The following GABBR2 variants were observed in gnomAD, a reference collection of about 807,000 sequenced individuals.
GABBR2 encodes the protein gamma-aminobutyric acid type B receptor subunit 2, also known as G-protein coupled receptor 51.
In GABBR2, 23 loss-of-function variants were observed where a neutral mutation model predicts 105.6. The ratio of observed to expected loss-of-function variants is 0.22; its 90% CI spans 0.16 to 0.31. The LOEUF (loss-of-function observed/expected upper bound fraction) is 0.31, where lower values mean the gene tolerates loss of function less well. Among genes scored for constraint, GABBR2 ranks in the 10% least tolerant of loss-of-function variants. The probability of loss-of-function intolerance (pLI) is 1.00; values close to 1 mark genes in which losing one functional copy is unlikely to be tolerated. For missense variants in GABBR2, 734 were observed against 1,245.5 expected, an observed-to-expected ratio of 0.59 and a Z score of 6.18; for synonymous variants, 478 against 499.7, an observed-to-expected ratio of 0.96 and a Z score of 0.58.
chr9:98,694,069 C>T (rs1830718432), intron 1 of GABBR2, among the ~76,000 whole-genome samples: 1 of 152,226 alleles, frequency 6.6e-6, no homozygotes, highest in African/African-American at 2.4e-5. Context: ...TGTATATCTC[C>T]TTGGAGAAGT....
At chr9:98,349,204 A>C (rs1030502531) in intron 13 of GABBR2, among the ~76,000 whole-genome samples, 3 of 152,032 alleles carry the variant, frequency 2.0e-5, no homozygotes, top group Non-Finnish European at 4.4e-5. Context: ...TTTGTCCTTC[A>C]TTCTCTTAAT....
chr9:98,414,309 T>C (rs971543465), intron 7 of GABBR2, among the ~76,000 whole-genome samples: 1 of 152,070 alleles, frequency 6.6e-6, no homozygotes, highest in Non-Finnish European at 1.5e-5. Context: ...GGGGAGAATA[T>C]CCTGGAAGGA....
At position 98,290,616 on chromosome 9, in the gene GABBR2, G is replaced by A; in HGVS notation, c.2794C>T (p.Pro932Ser). The change falls in exon 19 of 19, where the codon CCC becomes TCC. Residue 932 changes from proline to serine, a missense_variant. Physicochemically the swap from Pro to Ser is moderately conservative, Grantham distance 74 (BLOSUM62 -1). Around this residue, in one of 7 missense-constraint regions of GABBR2, gnomAD observed 134 missense variants for 171.2 expected, o/e 0.78. Coordinates refer to ENST00000259455, the MANE Select transcript of GABBR2 (RefSeq NM_005458.8). ...TASPRHRHVP[P>S]SFRVMVSGL ...CCCGAGACCATGACTCGGAAGGAGG[G>A]TGGCACATGTCTGTGGCGGGGGCTG... 1 of 1,433,462 alleles carries A rather than the reference G, an allele frequency of 7.0e-7. No homozygotes were observed. The allele number at this position is 1,433,462 out of a possible 1,614,324, so 88.8% of individuals were successfully genotyped here.
chr9:98,559,050 G>A (rs916397746), intron 2 of GABBR2, among the ~76,000 whole-genome samples: 5 of 152,084 alleles, frequency 3.3e-5, no homozygotes, highest in African/African-American at 1.2e-4. Flanking sequence ...TCGGTTTCCT[G>A]AAGAAGACTG....
chr9:98,340,520 A>G (rs796244752), intron 13 of GABBR2, among the ~76,000 whole-genome samples: 30 of 151,578 alleles, frequency 2.0e-4, no homozygotes, highest in African/African-American at 6.8e-4. Flanking sequence ...TTGGCTTCCC[A>G]AAGTGTTGAA....
intron 11 of GABBR2, among the ~76,000 whole-genome samples, chr9:98,375,993 T>G (rs1831866469): frequency 6.6e-6 from 1 of 152,358 alleles, no homozygotes; most frequent in Admixed American, 6.5e-5. Flanking sequence ...TGTGTTTATT[T>G]TTCTGATTTA....
At chr9:98,688,325 A>C (rs938175544) in intron 1 of GABBR2, among the ~76,000 whole-genome samples, 1 of 151,800 alleles carries the variant, frequency 6.6e-6, no homozygotes, top group African/African-American at 2.4e-5. Flanking sequence ...CGGCATCATC[A>C]GCAAAATTTG....
At chr9:98,643,569 T>A (rs1004247206) in intron 1 of GABBR2, among the ~76,000 whole-genome samples, 9 of 152,246 alleles carry the variant, frequency 5.9e-5, no homozygotes, top group African/African-American at 9.6e-5. Context: ...CTTTGCCAGA[T>A]AAGACCACGA....
At chr9:98,608,680 C>G (rs1315286192) in intron 1 of GABBR2, among the ~76,000 whole-genome samples, 1 of 152,156 alleles carries the variant, frequency 6.6e-6, no homozygotes, top group African/African-American at 2.4e-5. Context: ...TACAGTGCAC[C>G]TAGAGCTTTT....
chr9:98,314,122 C>T (rs1176222783), intron 13 of GABBR2, among the ~76,000 whole-genome samples: 1 of 152,138 alleles, frequency 6.6e-6, no homozygotes. Context: ...TTCCTGAAGG[C>T]TCTGCAGTAA....
At chr9:98,703,306 C>T (rs776688828) in intron 1 of GABBR2, among the ~76,000 whole-genome samples, 1 of 152,130 alleles carries the variant, frequency 6.6e-6, no homozygotes, top group Non-Finnish European at 1.5e-5. Context: ...TGCCTGCATA[C>T]AGCACACCTT....
chr9:98,347,836 G>A (rs527927298), intron 13 of GABBR2, among the ~76,000 whole-genome samples: 14 of 152,254 alleles, frequency 9.2e-5, no homozygotes, highest in African/African-American at 3.1e-4. Context: ...CACATGTCAA[G>A]GGTGGCGCCA....
At chr9:98,415,946 G>C (rs559253199) in intron 7 of GABBR2, among the ~76,000 whole-genome samples, 19 of 152,274 alleles carry the variant, frequency 1.2e-4, no homozygotes, top group Non-Finnish European at 2.4e-4. Flanking sequence ...ACGTGACCTT[G>C]GGCTAGAGGG....
chr9:98,663,375 G>T (rs1286842859), intron 1 of GABBR2, among the ~76,000 whole-genome samples: 1 of 152,072 alleles, frequency 6.6e-6, no homozygotes, highest in Non-Finnish European at 1.5e-5. Context: ...TACAGAACTG[G>T]TCTACCTGAT....
At chr9:98,324,659 CGTA>C (rs1830889282) in intron 13 of GABBR2, among the ~76,000 whole-genome samples, 1 of 151,936 alleles carries the variant, frequency 6.6e-6, no homozygotes, top group Non-Finnish European at 1.5e-5. Context: ...AAACAGGATG[CGTA>C]ATGGCTGCTG....
chr9:98,660,777 C>T (rs1830248692), intron 1 of GABBR2, among the ~76,000 whole-genome samples: 1 of 152,188 alleles, frequency 6.6e-6, no homozygotes, highest in Non-Finnish European at 1.5e-5. Flanking sequence ...CCTTTCTTTC[C>T]TCACTCAAAC....
At chr9:98,669,455 G>A (rs1830379855) in intron 1 of GABBR2, among the ~76,000 whole-genome samples, 1 of 152,024 alleles carries the variant, frequency 6.6e-6, no homozygotes, top group South Asian at 2.1e-4. Context: ...AATACCTTTT[G>A]TTGATAAATT....
chr9:98,560,404 CACACACACACACATATACACAT>C (rs1234114356), intron 2 of GABBR2, among the ~76,000 whole-genome samples: 1 of 107,064 alleles, frequency 9.3e-6, no homozygotes, highest in Non-Finnish European at 2.3e-5. Flanking sequence ...TACACACATA[CACACACACACACATATACACAT>C]ACACACACAC....
intron 7 of GABBR2, among the ~76,000 whole-genome samples, chr9:98,445,316 C>T (rs1030838327): frequency 1.3e-5 from 2 of 152,032 alleles, no homozygotes; most frequent in Non-Finnish European, 1.5e-5. Flanking sequence ...GCACCAGGGA[C>T]GAGGGAGAAG....
Sources: allele counts gnomAD v4.1 joint callset (sites outside exome capture counted in the v4.1 genomes callset), GRCh38; gene constraint gnomAD v4.1.1; regional missense constraint gnomAD v4.1.1; transcripts MANE v1.5; gene names NCBI Gene and HGNC (gene_info 2026-07-23, HGNC 2026-07-21).